The following MKLN1 variants were observed in gnomAD, a reference collection of about 807,000 sequenced individuals.
MKLN1 encodes muskelin 1.
A neutral mutation model predicts 99.0 loss-of-function variants in MKLN1; 18 were observed. The observed-to-expected ratio is 0.18, with a 90% confidence interval of 0.13 to 0.27. MKLN1 has a LOEUF of 0.27. MKLN1 is among the 10% of genes least tolerant of loss of function. MKLN1 has a pLI of 1.00. For missense variants in MKLN1, 621 were observed against 875.9 expected, an observed-to-expected ratio of 0.71 and a Z score of 3.67; for synonymous variants, 288 against 293.2, an observed-to-expected ratio of 0.98 and a Z score of 0.18.
intron 1 of MKLN1, among the ~76,000 whole-genome samples, chr7:131,115,769 T>G (rs930977282): frequency 6.6e-5 from 10 of 152,198 alleles, no homozygotes; most frequent in African/African-American, 2.4e-4. Context: ...CCCTATATAC[T>G]TCCTTTTCCT....
intron 2 of MKLN1, among the ~76,000 whole-genome samples, chr7:131,196,655 G>C (rs542879809): frequency 8.8e-4 from 134 of 152,242 alleles, no homozygotes; most frequent in Middle Eastern, 6.8e-3. Flanking sequence ...TTGCTAAATA[G>C]CTTGTAATTA....
chr7:131,434,428 ATTGCCTTTGTATCATGTCACT>A (rs1563346228), intron 9 of MKLN1, among the ~76,000 whole-genome samples: 4 of 152,184 alleles, frequency 2.6e-5, no homozygotes, highest in Non-Finnish European at 5.9e-5. Flanking sequence ...GTTTGTTAAT[ATTGCCTTTGTATCATGTCACT>A]TTAAGTCTAC....
intron 3 of MKLN1, among the ~76,000 whole-genome samples, chr7:131,263,623 G>T (rs1052070610): frequency 2.6e-5 from 4 of 151,206 alleles, no homozygotes; most frequent in Non-Finnish European, 5.9e-5. Flanking sequence ...CCAGGCTGGA[G>T]TGCAGTGGCA....
intron 10 of MKLN1, among the ~76,000 whole-genome samples, chr7:131,438,234 CTT>C (rs1795729850): frequency 6.6e-6 from 1 of 151,814 alleles, no homozygotes; most frequent in African/African-American, 2.4e-5. Flanking sequence ...TTTATAGAAA[CTT>C]TAGCGAGTAG....
chr7:131,278,571 A>G (rs949655884), intron 3 of MKLN1, among the ~76,000 whole-genome samples: 1 of 152,068 alleles, frequency 6.6e-6, no homozygotes, highest in South Asian at 2.1e-4. Flanking sequence ...TTGTGGTATT[A>G]ATAGTAACAA....
chr7:131,228,909 A>G (rs1033534601), intron 3 of MKLN1, among the ~76,000 whole-genome samples: 1 of 152,214 alleles, frequency 6.6e-6, no homozygotes, highest in African/African-American at 2.4e-5. Context: ...TCTTCTAAAG[A>G]GTTGATTGTG....
intron 17 of MKLN1, among the ~76,000 whole-genome samples, chr7:131,480,934 A>G (rs937735262): frequency 1.3e-5 from 2 of 152,326 alleles, no homozygotes; most frequent in South Asian, 2.1e-4. Flanking sequence ...AAATATATCA[A>G]TTAGGGTGGT....
chr7:131,153,108 TC>T (rs1795913622), intron 2 of MKLN1, among the ~76,000 whole-genome samples: 1 of 151,280 alleles, frequency 6.6e-6, no homozygotes, highest in Non-Finnish European at 1.5e-5. Flanking sequence ...AAAAATCTCT[TC>T]TTTTGTGATG....
At chr7:131,227,873 G>A (rs916038334) in intron 3 of MKLN1, among the ~76,000 whole-genome samples, 9 of 151,554 alleles carry the variant, frequency 5.9e-5, no homozygotes, top group Non-Finnish European at 1.0e-4. Flanking sequence ...GCCTTCACTC[G>A]TATTTCATTG....
chr7:131,340,207 C>A (rs532240774), intron 1 of MKLN1, among the ~76,000 whole-genome samples: 1 of 151,936 alleles, frequency 6.6e-6, no homozygotes, highest in African/African-American at 2.4e-5. Flanking sequence ...GCACCCATTC[C>A]CCTGGCCTTT....
intron 2 of MKLN1, among the ~76,000 whole-genome samples, chr7:131,199,123 C>G (rs1290055087): frequency 2.0e-5 from 3 of 152,050 alleles, no homozygotes; most frequent in Non-Finnish European, 2.9e-5. Flanking sequence ...GAGGCTGAGG[C>G]AGGAGAATCC....
chr7:131,292,653 G>C (rs1055187636), intron 3 of MKLN1, among the ~76,000 whole-genome samples: 2 of 152,200 alleles, frequency 1.3e-5, no homozygotes, highest in East Asian at 3.8e-4. Flanking sequence ...GCTGGAATAG[G>C]CAAGGATTTT....
chr7:131,418,923 GTTAAA>G (rs1795106165), intron 8 of MKLN1, among the ~76,000 whole-genome samples: 1 of 152,114 alleles, frequency 6.6e-6, no homozygotes, highest in Non-Finnish European at 1.5e-5. Flanking sequence ...TATGGTTCAG[GTTAAA>G]TTAAACAGGT....
intron 3 of MKLN1, among the ~76,000 whole-genome samples, chr7:131,291,625 A>G (rs1798219424): frequency 1.3e-5 from 2 of 149,456 alleles, no homozygotes; most frequent in South Asian, 4.2e-4. Flanking sequence ...TTTATTTAAC[A>G]TATATAATGC....
chr7:131,307,366 G>T (rs1170843202), intron 3 of MKLN1, among the ~76,000 whole-genome samples: 1 of 152,090 alleles, frequency 6.6e-6, no homozygotes, highest in Non-Finnish European at 1.5e-5. Flanking sequence ...GTCCCCACTG[G>T]GGCACTGCCT....
chr7:131,261,016 T>C (rs948187486), intron 3 of MKLN1, among the ~76,000 whole-genome samples: 1 of 152,186 alleles, frequency 6.6e-6, no homozygotes, highest in African/African-American at 2.4e-5. Flanking sequence ...AAGATTTAAA[T>C]GTAAAACATA....
chr7:131,458,676 GT>G (rs1232792746), intron 12 of MKLN1, among the ~76,000 whole-genome samples: 1 of 150,888 alleles, frequency 6.6e-6, no homozygotes, highest in African/African-American at 2.4e-5. Context: ...TCCTTTTTTT[GT>G]TTTGTTGGAA....
chr7:131,123,423 T>C (rs189606012), intron 1 of MKLN1, among the ~76,000 whole-genome samples: 5 of 152,346 alleles, frequency 3.3e-5, no homozygotes, highest in Admixed American at 6.5e-5. Flanking sequence ...TTTCAAATAA[T>C]TTTTATGTGT....
At chr7:131,397,456 TTTAAAA>T (rs770378210) in intron 5 of MKLN1, 80 bp downstream of exon 5, 1 of 734,562 alleles carries the variant, frequency 1.4e-6, no homozygotes, top group Non-Finnish European at 2.2e-6. Context: ...TTGAGAATAA[TTTAAAA>T]TATTCAAAAT....
Sources: allele counts gnomAD v4.1 joint callset (sites outside exome capture counted in the v4.1 genomes callset), GRCh38; gene constraint gnomAD v4.1.1; transcripts MANE v1.5; gene names NCBI Gene and HGNC (gene_info 2026-07-23, HGNC 2026-07-21).